Variants in CLEC9A observed in about 807,000 individuals in gnomAD.
CLEC9A encodes the protein C-type lectin domain containing 9A.
CLEC9A carries 24 observed loss-of-function variants against 30.0 expected under a neutral mutation model. The ratio of observed to expected loss-of-function variants is 0.80; its 90% CI spans 0.58 to 1.13. The LOEUF is 1.13. Among genes scored for constraint, CLEC9A ranks in the 50% most tolerant of loss-of-function variants. The probability of loss-of-function intolerance (pLI) is 0.00; values close to 1 mark genes in which losing one functional copy is unlikely to be tolerated. For synonymous variants in CLEC9A, 111 were observed against 96.8 expected, an observed-to-expected ratio of 1.15 and a Z score of -0.86; for missense variants, 251 against 280.9, an observed-to-expected ratio of 0.89 and a Z score of 0.76.
chr12:10,049,429 A>G (rs1318841675), intron 2 of CLEC9A, among the ~76,000 whole-genome samples: 1 of 152,242 alleles, frequency 6.6e-6, no homozygotes, highest in South Asian at 2.1e-4. Context: ...CTCCAGCTAT[A>G]AAAGTCCTAG....
rs1866012038 is a variant in CLEC9A at position 10,063,154 on chromosome 12, A to G, written c.419A>G (p.Asn140Ser). 6.2e-7 allele frequency: 1 copy of G among 1,611,830 alleles called. No individual in the cohort carries two copies. The highest frequency in any genetic ancestry group is 1.3e-5 in the African/African-American group (1 of 74,854). ...AGCATTTGGCACACCAGTCAAGAGA[A>G]TTGTTTAAAGGAAGGTTCCACGCTG... is the stretch of plus-strand genomic sequence containing the variant. ...IWSIWHTSQE[N>S]CLKEGSTLLQ... Residue 140 changes from asparagine (N) to serine (S), a missense_variant, in exon 7 of 9, where the codon AAT (asparagine) becomes AGT (serine). Physicochemically the swap from Asn to Ser is conservative, Grantham distance 46. Coordinates refer to ENST00000355819, the MANE Select transcript of CLEC9A (RefSeq NM_207345.4).
Position 10,030,760 on chromosome 12 carries a change from T to C in CLEC9A, c.-530T>C, listed in dbSNP as rs1470454650. 2.0e-5 allele frequency: 3 copies of C among 152,268 alleles called. No homozygotes were observed. The highest frequency in any genetic ancestry group is 7.2e-5 in the African/African-American group (3 of 41,456). The allele number at this position is 152,268 out of a possible 1,614,324, so 9.4% of individuals were successfully genotyped here. On this transcript the variant is annotated 5_prime_UTR_variant, in exon 1 of 9. Transcript: ENST00000355819. ...GCAACATGTTTTGATTCTTCTCAAA[T>C]AACTCGCAAGCTCTTGTGAAGCACA...
chr12:10,052,548 C>T, intron 3 of CLEC9A, 82 bp from the exon 4 acceptor site: 5 of 1,414,214 alleles, frequency 3.5e-6, no homozygotes, highest in Non-Finnish European at 4.6e-6. Flanking sequence ...CTATTCTACT[C>T]CTTAAACACA....
intron 3 of CLEC9A, 134 bp from the exon 4 acceptor site, chr12:10,052,496 G>T: frequency 7.8e-7 from 1 of 1,280,120 alleles, no homozygotes; most frequent in South Asian, 2.6e-5. Context: ...TTGTGTTTTG[G>T]CTTAGACTTC....
At position 10,052,789 on chromosome 12, in the gene CLEC9A, C is replaced by T. The variant is rs759878637; in HGVS notation, c.91+11C>T. The T allele has an allele frequency of 1.2e-6, 2 of 1,611,000 alleles. No homozygotes were observed. On this transcript the variant is annotated intron_variant, in intron 4 of 8. Transcript: ENST00000355819. ...CCAACAAATGTTCAGGTAACCAGTT[C>T]TAACTATTTTGTGTGAGACTTTAGA...
At chr12:10,050,704 AAAATTTGAGAAC>A (rs1344498190) in intron 2 of CLEC9A, among the ~76,000 whole-genome samples, 1 of 152,192 alleles carries the variant, frequency 6.6e-6, no homozygotes, top group Non-Finnish European at 1.5e-5. Context: ...TAGTGCTGAT[AAAATTTGAGAAC>A]AATTGGAAAT....
chr12:10,030,857 A>G lies in CLEC9A; in HGVS notation c.-433A>G, dbSNP rs1865688655. On this transcript the variant is annotated 5_prime_UTR_variant, in exon 1 of 9. Coordinates refer to ENST00000355819, the MANE Select transcript of CLEC9A (RefSeq NM_207345.4). ...GATTAAACCCAGCCATTTATGTGACAATAGCATTTTTATTTTTCTTATCAA... is the reference window on the plus strand; with the variant it reads ...GATTAAACCCAGCCATTTATGTGACGATAGCATTTTTATTTTTCTTATCAA... The G allele has an allele frequency of 6.6e-6, 1 of 152,246 alleles. No individual in the cohort carries two copies. The highest frequency in any genetic ancestry group is 1.5e-5 in the Non-Finnish European group (1 of 68,038). 9.4% of individuals were successfully genotyped at this position (152,246 alleles called of 1,614,324 possible).
At chr12:10,036,469 A>C (rs1049989622) in intron 1 of CLEC9A, among the ~76,000 whole-genome samples, 3 of 152,234 alleles carry the variant, frequency 2.0e-5, no homozygotes, top group African/African-American at 7.2e-5. Flanking sequence ...CTTTAGCTTA[A>C]AGGTGGTAAG....
chr12:10,051,149 G>A lies in CLEC9A; in HGVS notation c.-162-842G>A, dbSNP rs183229407. Among the ~76,000 whole-genome samples the A allele has an allele frequency of 5.5e-3, 838 of 151,544 alleles. 3 individuals are homozygous for A. The highest frequency in any genetic ancestry group is 0.011 in the Admixed American group (166 of 15,232). ...GAACCCAGGAGGCAGAGGTTGCAGTGAGCCGAGATAGGGCCACAGCACTCC... is the reference window on the plus strand; with the variant it reads ...GAACCCAGGAGGCAGAGGTTGCAGTAAGCCGAGATAGGGCCACAGCACTCC... On this transcript the variant is annotated intron_variant, in intron 2 of 8. Transcript: ENST00000355819.
intron 6 of CLEC9A, among the ~76,000 whole-genome samples, chr12:10,061,920 C>T (rs1682809194): frequency 2.6e-5 from 4 of 152,298 alleles, no homozygotes; most frequent in South Asian, 4.1e-4. Flanking sequence ...ATACCATTTA[C>T]ATAATTGCCA....
intron 5 of CLEC9A, among the ~76,000 whole-genome samples, chr12:10,055,808 G>C (rs1338765091): frequency 6.6e-6 from 1 of 151,928 alleles, no homozygotes; most frequent in Non-Finnish European, 1.5e-5. Context: ...TGTAATCCCA[G>C]CACTTTGGGA....
At chr12:10,052,820 T>TG (rs1726401582) in intron 4 of CLEC9A, 42 bp downstream of exon 4, 4 of 1,585,028 alleles carry the variant, frequency 2.5e-6, no homozygotes, top group Admixed American at 1.9e-5. Flanking sequence ...TTAGAGTTCA[T>TG]GTTTTTTTTT....
At chr12:10,051,846 G>C (rs1308389288) in intron 2 of CLEC9A, 145 bp from the exon 3 acceptor site, 1 of 152,184 alleles carries the variant, frequency 6.6e-6, no homozygotes, top group Non-Finnish European at 1.5e-5. Flanking sequence ...AGCTTGCTGT[G>C]CAGGCAAAAA....
chr12:10,031,711 C>T (rs1435326472), intron 1 of CLEC9A, among the ~76,000 whole-genome samples: 1 of 151,964 alleles, frequency 6.6e-6, no homozygotes, highest in Non-Finnish European at 1.5e-5. Context: ...TTGCTTGAAG[C>T]CAGGAGGTTG....
chr12:10,031,498 G>A (rs1360164734), intron 1 of CLEC9A, among the ~76,000 whole-genome samples: 1 of 152,204 alleles, frequency 6.6e-6, no homozygotes, highest in Non-Finnish European at 1.5e-5. Context: ...TGAGGCTTTA[G>A]TGACTCTGCT....
At chr12:10,047,321 A>G (rs1192289818) in intron 2 of CLEC9A, among the ~76,000 whole-genome samples, 10 of 152,246 alleles carry the variant, frequency 6.6e-5, no homozygotes, top group Admixed American at 6.5e-4. Context: ...ATGTTCATAC[A>G]TCACTATGGC....
chr12:10,055,735 A>G (rs1397830353), intron 5 of CLEC9A, among the ~76,000 whole-genome samples: 2 of 152,100 alleles, frequency 1.3e-5, no homozygotes, highest in Non-Finnish European at 2.9e-5. Flanking sequence ...GACAAAAATC[A>G]TATACTACAT....
At chr12:10,052,203 T>C (rs999573826) in intron 3 of CLEC9A, 109 bp downstream of exon 3, 1 of 155,398 alleles carries the variant, frequency 6.4e-6, no homozygotes, top group Non-Finnish European at 1.4e-5. Flanking sequence ...ATTTTAAGGT[T>C]GAAATCCCTT....
chr12:10,045,638 A>C (rs1289010066), intron 2 of CLEC9A: 8 of 247,262 alleles, frequency 3.2e-5, no homozygotes, highest in Non-Finnish European at 7.1e-5. Flanking sequence ...AATGCAAGGA[A>C]AGGGGCAGGA....
Sources: gnomAD v4.1 joint callset for allele counts (sites outside exome capture counted in the v4.1 genomes callset) on GRCh38, gnomAD v4.1.1 for gene constraint, MANE v1.5 for transcripts, NCBI Gene and HGNC (gene_info 2026-07-23, HGNC 2026-07-21) for gene names.